ZNF414: variants seen among roughly 807,000 people sequenced by gnomAD.
The protein encoded by ZNF414 is zinc finger protein 414.
Under a neutral mutation model 38.3 loss-of-function variants are expected in ZNF414, and 32 were observed. That is an observed-to-expected ratio of 0.83 (90% CI 0.63 to 1.12). The LOEUF (loss-of-function observed/expected upper bound fraction) is 1.12, where lower values mean the gene tolerates loss of function less well. Among genes scored for constraint, ZNF414 ranks in the 50% most tolerant of loss-of-function variants. ZNF414 has a pLI of 0.00. For missense variants in ZNF414, 589 were observed against 557.4 expected (o/e 1.06, Z -0.57); for synonymous variants, 256 against 248.0 (o/e 1.03, Z -0.30).
rs760561351 is a variant in ZNF414 at position 8,511,834 on chromosome 19, C to T, written c.657G>A (p.Ala219=). The T allele has an allele frequency of 2.2e-6, 3 of 1,393,966 alleles. No individual in the cohort carries two copies. Among genetic ancestry groups the T allele is most frequent in the Non-Finnish European group, 2.8e-6 (3 of 1,081,626 alleles). The allele number at this position is 1,393,966 out of a possible 1,614,324, so 86.3% of individuals were successfully genotyped here. A position where few individuals can be genotyped will look rare whatever the true frequency, so the allele number is the denominator to read the frequency against. The change falls in exon 5 of 8, where the codon GCG becomes GCA. Residue 219 remains alanine (A), a synonymous_variant. Coordinates refer to ENST00000393927, the MANE Select transcript of ZNF414 (RefSeq NM_001146175.2). Reference sequence around the variant, plus strand: ...GGTCAACCTCCGGGGGGCGCTCCGGCGCGGGCGGCTCTCGGTCCAGGGCCG... The same window carrying T: ...GGTCAACCTCCGGGGGGCGCTCCGGTGCGGGCGGCTCTCGGTCCAGGGCCG... ...PPPALDREPP[A]PERPPEVDPA...
chr19:8,513,408 A>C (rs2145808742), intron 1 of ZNF414, 67 bp from the exon 2 acceptor site: 1 of 1,447,644 alleles, frequency 6.9e-7, no homozygotes, highest in African/African-American at 1.4e-5. Context: ...CCCCCATCCT[A>C]AGGAATCACC....
At chr19:8,512,260 C>A (rs1001887416) in intron 4 of ZNF414, 127 bp downstream of exon 4, 39 of 1,465,160 alleles carry the variant, frequency 2.7e-5, no homozygotes, top group Middle Eastern at 2.1e-4. Flanking sequence ...GAGGGCGGGG[C>A]TTCCCCAAAG....
Position 8,510,626 on chromosome 19 carries a change from C to T in ZNF414, c.*65G>A, listed in dbSNP as rs1352755587. The stretch of plus-strand genomic sequence containing the variant: ...TTATTGTCCACCCCAGCCCCCCTTC[C>T]CTGCAGCCCCCTCCAAATGACAAAA... On this transcript the variant is annotated 3_prime_UTR_variant, in exon 8 of 8. Coordinates refer to ENST00000393927, the MANE Select transcript of ZNF414 (RefSeq NM_001146175.2). 2.0e-6 allele frequency: 3 copies of T among 1,478,436 alleles called. No homozygotes were observed. The highest frequency in any genetic ancestry group is 2.7e-6 in the Non-Finnish European group (3 of 1,093,998). The allele number at this position is 1,478,436 out of a possible 1,614,324, so 91.6% of individuals were successfully genotyped here.
Position 8,512,047 on chromosome 19 carries a change from G to A in ZNF414, c.531-87C>T, listed in dbSNP as rs775752465. The A allele has an allele frequency of 2.3e-5, 32 of 1,388,608 alleles. No homozygotes were observed. In the Admixed American group the frequency reaches 7.3e-4, roughly 32 times the overall value. The allele number at this position is 1,388,608 out of a possible 1,614,324, so 86.0% of individuals were successfully genotyped here. On this transcript the variant is annotated intron_variant, in intron 4 of 7. Transcript: ENST00000393927. ...GTGCAATGCCACCCGCCCTTCGAGC[G>A]TGGGAACGGAGCCTGGGCACTAATC...
chr19:8,512,411 T>C lies in ZNF414; in HGVS notation c.506A>G (p.His169Arg), dbSNP rs750965571. The change falls in exon 4 of 8, where the codon CAC becomes CGC. Residue 169 changes from histidine to arginine, a missense_variant. His to Arg is a conservative substitution (Grantham distance 29). Transcript: ENST00000393927. ...CTTGAAGTAGCGATTGGGTTTGTAGTGCAGTTTGCTGTGAGCCACCAGCTC... is the reference window on the plus strand; with the variant it reads ...CTTGAAGTAGCGATTGGGTTTGTAGCGCAGTTTGCTGTGAGCCACCAGCTC... ...MQELVAHSKL[H>R]YKPNRYFKCE... The C allele has an allele frequency of 5.0e-6, 8 of 1,613,588 alleles. No homozygotes were observed. The Admixed American group carries it at 8.3e-5, about 17-fold the overall frequency.
intron 6 of ZNF414, 129 bp downstream of exon 6, chr19:8,511,357 T>C: frequency 6.8e-7 from 1 of 1,476,780 alleles, no homozygotes; most frequent in Non-Finnish European, 9.0e-7. Context: ...AAATCCTGTA[T>C]TTCGGGACGG....
intron 4 of ZNF414, 189 bp downstream of exon 4, chr19:8,512,198 G>C: frequency 7.0e-7 from 1 of 1,433,058 alleles, no homozygotes. Context: ...GGGAGGTAAA[G>C]CCTGGCTGGG....
At chr19:8,511,191 G>A in intron 6 of ZNF414, 167 bp from the exon 7 acceptor site, 1 of 1,314,136 alleles carries the variant, frequency 7.6e-7, no homozygotes, top group Non-Finnish European at 9.7e-7. Context: ...CTAGAGTTGG[G>A]GGCACCCAAC....
At position 8,509,982 on chromosome 19, in the gene ZNF414, G is replaced by C. The variant is rs1971891481; in HGVS notation, c.*709C>G. On this transcript the variant is annotated 3_prime_UTR_variant, in exon 8 of 8. Coordinates refer to ENST00000393927, the MANE Select transcript of ZNF414 (RefSeq NM_001146175.2). Reference sequence around the variant, plus strand: ...TTACAGGCGTGAGCCACTGTGCCCGGCCGGGACTTCTTAAAAGAAAACTGG... The same window carrying C: ...TTACAGGCGTGAGCCACTGTGCCCGCCCGGGACTTCTTAAAAGAAAACTGG... The C allele has an allele frequency of 6.6e-6, 1 of 151,776 alleles. No individual in the cohort carries two copies. Among genetic ancestry groups the C allele is most frequent in the Non-Finnish European group, 1.5e-5 (1 of 67,922 alleles). The allele number at this position is 151,776 out of a possible 1,614,324, so 9.4% of individuals were successfully genotyped here.
intron 4 of ZNF414, 59 bp downstream of exon 4, chr19:8,512,328 G>A (rs1568322855): frequency 1.9e-6 from 3 of 1,589,040 alleles, no homozygotes; most frequent in Admixed American, 3.3e-5. Flanking sequence ...AGGAAGGCCT[G>A]GAGCCCACAC....
intron 6 of ZNF414, 161 bp downstream of exon 6, chr19:8,511,313 ATGAAGGCGCAGG>A (rs1168508833): frequency 3.1e-5 from 45 of 1,437,424 alleles, no homozygotes; most frequent in Admixed American, 5.5e-5. Context: ...GCCGGCGCAG[ATGAAGGCGCAGG>A]TGCCAGTCAT....
chr19:8,512,688 G>T lies in ZNF414; in HGVS notation c.340C>A (p.Pro114Thr). The T allele has an allele frequency of 6.4e-7, 1 of 1,560,342 alleles. No individual in the cohort carries two copies. Reference protein sequence around the residue: ...PPGKQIPCSSPGCCLSFPSVR... With the variant: ...PPGKQIPCSSTGCCLSFPSVR... ...CTGGGAAAACTGAGGCAGCAGCCAGGGCTGGAGCAAGGGATTTGCTTCCCT... is the reference window on the plus strand; with the variant it reads ...CTGGGAAAACTGAGGCAGCAGCCAGTGCTGGAGCAAGGGATTTGCTTCCCT... The change falls in exon 3 of 8, where the codon CCT becomes ACT. Residue 114 changes from proline (P) to threonine (T), a missense_variant. By Grantham distance (38) the Pro-to-Thr change is conservative (BLOSUM62 -1). Coordinates refer to ENST00000393927, the MANE Select transcript of ZNF414 (RefSeq NM_001146175.2).
In ZNF414 at chr19:8,511,038, G is replaced by T; in HGVS notation, c.926-14C>A. On this transcript the variant is annotated splice_polypyrimidine_tract_variant and intron_variant, in intron 6 of 7. Coordinates refer to ENST00000393927, the MANE Select transcript of ZNF414 (RefSeq NM_001146175.2). ...GGGCCGCGTGCCCTGCGGGCAGGCG[G>T]GACCCCGTCAGTCCCGGGCTCCCCC... The T allele has an allele frequency of 1.6e-6, 2 of 1,282,378 alleles. No homozygotes were observed. Among genetic ancestry groups the T allele is most frequent in the Non-Finnish European group, 2.0e-6 (2 of 1,015,170 alleles). 79.4% of individuals were successfully genotyped at this position (1,282,378 alleles called of 1,614,324 possible).
Position 8,510,855 on chromosome 19 carries a change from G to A in ZNF414, c.1095C>T (p.Pro365=), listed in dbSNP as rs1313212279. Residue 365 remains proline, a synonymous_variant, in exon 7 of 8, where the codon CCC becomes CCT. Transcript: ENST00000393927. ...PAAGPPRPDA[P]ADPAPLAPKV... is the part of the protein sequence containing the mutation. ...CCGCGCATTCCTCGGCCTTACCCGC[G>A]GGGGCGTCGGGGCGCGGCGGCCCGG... The A allele has an allele frequency of 2.6e-6, 3 of 1,166,598 alleles. No individual in the cohort carries two copies. Among genetic ancestry groups the A allele is most frequent in the Admixed American group, 4.5e-5 (1 of 22,026 alleles). 72.3% of individuals were successfully genotyped at this position (1,166,598 alleles called of 1,614,324 possible). A position where few individuals can be genotyped will look rare whatever the true frequency, so the allele number is the denominator to read the frequency against.
chr19:8,512,966 T>C, intron 2 of ZNF414, 63 bp downstream of exon 2: 1 of 1,422,082 alleles, frequency 7.0e-7, no homozygotes, highest in South Asian at 1.5e-5. Flanking sequence ...TTAGAGATTC[T>C]CTACGTCTCG....
chr19:8,511,763 G>A lies in ZNF414; in HGVS notation c.728C>T (p.Thr243Met), dbSNP rs868270747. The change falls in exon 5 of 8, where the codon ACG becomes ATG. Residue 243 changes from threonine to methionine, a missense_variant. Physicochemically the swap from Thr to Met is moderately conservative, Grantham distance 81. Transcript: ENST00000393927. Reference protein sequence around the residue: ...GLPFPLLEPFTTPAPAPTGPF... With the variant: ...GLPFPLLEPFMTPAPAPTGPF... ...TCCGGTGGGGGCAGGGGCGGGGGTCGTGAAGGGTTCCAGCAGCGGGAACGG... is the reference window on the plus strand; with the variant it reads ...TCCGGTGGGGGCAGGGGCGGGGGTCATGAAGGGTTCCAGCAGCGGGAACGG... The A allele has an allele frequency of 1.4e-6, 2 of 1,437,508 alleles. No homozygotes were observed. The highest frequency in any genetic ancestry group is 9.1e-7 in the Non-Finnish European group (1 of 1,104,076). The allele number at this position is 1,437,508 out of a possible 1,614,324, so 89.0% of individuals were successfully genotyped here.
rs980688826 is a variant in ZNF414 at position 8,510,907 on chromosome 19, C to T, written c.1043G>A (p.Arg348His). Reference sequence around the variant, plus strand: ...CGCGGGGGCCGCGGGGGCGCCGGGGCGGTGGTCCTCCAGGTGCAGGGTCAT... The same window carrying T: ...CGCGGGGGCCGCGGGGGCGCCGGGGTGGTGGTCCTCCAGGTGCAGGGTCAT... ...PAMTLHLEDH[R>H]PGAPAAPAAG... Residue 348 changes from arginine (R) to histidine (H), a missense_variant, in exon 7 of 8, where the codon CGC (arginine) becomes CAC (histidine). Transcript: ENST00000393927. The T allele has an allele frequency of 1.7e-6, 2 of 1,192,260 alleles. No individual in the cohort carries two copies. The highest frequency in any genetic ancestry group is 2.1e-6 in the Non-Finnish European group (2 of 961,098). The allele number at this position is 1,192,260 out of a possible 1,614,324, so 73.9% of individuals were successfully genotyped here.
chr19:8,514,095 T>G lies in ZNF414; in HGVS notation c.-49A>C. The G allele has an allele frequency of 6.9e-7, 1 of 1,459,400 alleles. No homozygotes were observed. Among genetic ancestry groups the G allele is most frequent in the Admixed American group, 2.5e-5 (1 of 40,320 alleles). The allele number at this position is 1,459,400 out of a possible 1,614,324, so 90.4% of individuals were successfully genotyped here. A position where few individuals can be genotyped will look rare whatever the true frequency, so the allele number is the denominator to read the frequency against. Reference sequence around the variant, plus strand: ...TTTCTGCGGCTCCGGCGGCTGCAGCTTAGGCGGCGGCCACCCTCTGGGCAG... The same window carrying G: ...TTTCTGCGGCTCCGGCGGCTGCAGCGTAGGCGGCGGCCACCCTCTGGGCAG... On this transcript the variant is annotated 5_prime_UTR_variant, in exon 1 of 8. Coordinates refer to ENST00000393927, the MANE Select transcript of ZNF414 (RefSeq NM_001146175.2).
At chr19:8,513,663 T>G (rs746560037) in intron 1 of ZNF414, among the ~76,000 whole-genome samples, 11 of 152,164 alleles carry the variant, frequency 7.2e-5, no homozygotes, top group Non-Finnish European at 1.5e-4. Flanking sequence ...AGCCCCAGTA[T>G]GCACACAAGC....
Sources: allele counts gnomAD v4.1 joint callset (sites outside exome capture counted in the v4.1 genomes callset), GRCh38; gene constraint gnomAD v4.1.1; transcripts MANE v1.5; gene names NCBI Gene and HGNC (gene_info 2026-07-23, HGNC 2026-07-21).